The following MUSK variants were observed in gnomAD, a reference collection of about 807,000 sequenced individuals.
MUSK encodes muscle associated receptor tyrosine kinase.
MUSK carries 55 observed loss-of-function variants against 88.7 expected under a neutral mutation model. That is an observed-to-expected ratio of 0.62 (90% confidence interval 0.50 to 0.78). MUSK has a LOEUF of 0.78. Ranked by LOEUF, MUSK falls within the 30% of genes least tolerant of loss-of-function variation. The pLI is 0.00. For synonymous variants in MUSK, 387 were observed against 391.9 expected (o/e 0.99, Z 0.15); for missense variants, 1,015 against 1,074.3 (o/e 0.94, Z 0.77).
chr9:110,712,675 G>A (rs2076687534), intron 5 of MUSK, among the ~76,000 whole-genome samples: 1 of 152,172 alleles, frequency 6.6e-6, no homozygotes, highest in South Asian at 2.1e-4. Flanking sequence ...TTTCTACTTA[G>A]AGGGACTTTA....
chr9:110,798,297 G>A (rs1290578536), intron 14 of MUSK, among the ~76,000 whole-genome samples: 3 of 152,108 alleles, frequency 2.0e-5, no homozygotes, highest in Non-Finnish European at 2.9e-5. Flanking sequence ...GAACATGTTC[G>A]TATCTTAAAA....
rs114414968 is a variant in MUSK, at chr9:110,782,774, G to T, written c.1385-2041G>T. ...ACTCAGTCCAAAGAGAATCAGACTA[G>T]CTTTCAAGTCAGTCAGAGAGGAACC... On this transcript the variant is annotated intron_variant, in intron 11 of 14. Transcript: ENST00000374448. Among the ~76,000 whole-genome samples the T allele has an allele frequency of 2.7e-3, 417 of 152,254 alleles. 4 individuals carry two copies. The highest frequency in any genetic ancestry group is 9.8e-3 in the African/African-American group (407 of 41,550).
intron 5 of MUSK, among the ~76,000 whole-genome samples, chr9:110,731,014 G>C (rs755518527): frequency 3.9e-5 from 6 of 151,978 alleles, no homozygotes; most frequent in Admixed American, 6.6e-5. Flanking sequence ...GAGACTGATA[G>C]CTCAGAATAG....
chr9:110,689,643 A>C (rs1204240805), intron 3 of MUSK, among the ~76,000 whole-genome samples: 4 of 43,498 alleles, frequency 9.2e-5, no homozygotes, highest in African/African-American at 1.5e-4. Context: ...AGTATATATT[A>C]GTAATATACC....
At chr9:110,789,846 G>A (rs189938167) in intron 14 of MUSK, among the ~76,000 whole-genome samples, 98 of 152,278 alleles carry the variant, frequency 6.4e-4, no homozygotes, top group Admixed American at 2.3e-3. Flanking sequence ...TGAAGTTAAG[G>A]ATGCATGTGG....
chr9:110,762,296 T>C (rs905353133), intron 8 of MUSK, 88 bp downstream of exon 8: 1 of 1,064,884 alleles, frequency 9.4e-7, no homozygotes, highest in African/African-American at 1.6e-5. Flanking sequence ...GAGGGTCTTG[T>C]GTTGCCCAGG....
intron 5 of MUSK, among the ~76,000 whole-genome samples, chr9:110,709,016 T>A (rs906470540): frequency 6.6e-5 from 10 of 152,142 alleles, no homozygotes; most frequent in Non-Finnish European, 1.2e-4. Context: ...TAAAGGAAAA[T>A]TGCTTTCTAT....
At chr9:110,684,877 TTAAG>T (rs1564212815) in intron 2 of MUSK, among the ~76,000 whole-genome samples, 1 of 152,130 alleles carries the variant, frequency 6.6e-6, no homozygotes, top group African/African-American at 2.4e-5. Context: ...TGTGGAGTAT[TTAAG>T]TTTTTCCAAA....
intron 12 of MUSK, 90 bp downstream of exon 12, chr9:110,785,106 C>T: frequency 9.2e-7 from 1 of 1,086,026 alleles, no homozygotes; most frequent in Non-Finnish European, 1.4e-6. Context: ...ATATATATGA[C>T]ACTGCAACTC....
At chr9:110,708,180 G>A (rs982858470) in intron 5 of MUSK, among the ~76,000 whole-genome samples, 3 of 151,610 alleles carry the variant, frequency 2.0e-5, no homozygotes, top group South Asian at 4.2e-4. Context: ...AACTATAAAA[G>A]ATCAGCATTG....
intron 5 of MUSK, among the ~76,000 whole-genome samples, chr9:110,710,209 T>G (rs753417352): frequency 2.0e-5 from 3 of 152,150 alleles, no homozygotes; most frequent in African/African-American, 7.2e-5. Flanking sequence ...AGAGTTCACA[T>G]GCTTTAGTAT....
chr9:110,725,777 A>G lies in MUSK; in HGVS notation c.629-8474A>G, dbSNP rs141357259. On this transcript the variant is annotated intron_variant, in intron 5 of 14. Transcript: ENST00000374448. ...CCTCCCTAAAGAAGATTACAAATCAATTTGGAAGACAAGAACAATGCATTA... is the reference window on the plus strand; with the variant it reads ...CCTCCCTAAAGAAGATTACAAATCAGTTTGGAAGACAAGAACAATGCATTA... 2.1e-3 allele frequency among the ~76,000 whole-genome samples: 322 copies of G among 152,172 alleles called. 1 individual carries two copies. The highest frequency in any genetic ancestry group is 7.5e-3 in the African/African-American group (312 of 41,566).
chr9:110,769,911 T>C (rs2077542853), intron 9 of MUSK, among the ~76,000 whole-genome samples: 1 of 152,232 alleles, frequency 6.6e-6, no homozygotes, highest in East Asian at 1.9e-4. Context: ...AGAAAAATTC[T>C]CTGTGTGTGT....
intron 11 of MUSK, among the ~76,000 whole-genome samples, chr9:110,782,985 G>A (rs1727136775): frequency 6.6e-6 from 1 of 152,156 alleles, no homozygotes; most frequent in South Asian, 2.1e-4. Context: ...GGTACTCAGG[G>A]CATAATCACT....
chr9:110,782,697 C>T (rs2077780975), intron 11 of MUSK, among the ~76,000 whole-genome samples: 1 of 152,136 alleles, frequency 6.6e-6, no homozygotes, highest in African/African-American at 2.4e-5. Context: ...TCAATTTAAG[C>T]CACCCCCTAC....
chr9:110,689,227 A>G (rs1399865471), intron 3 of MUSK, among the ~76,000 whole-genome samples: 1 of 50,760 alleles, frequency 2.0e-5, no homozygotes, highest in Non-Finnish European at 3.3e-5. Context: ...TATATAATAT[A>G]TAAATATATA....
intron 7 of MUSK, among the ~76,000 whole-genome samples, chr9:110,748,669 T>G (rs2131880696): frequency 6.6e-6 from 1 of 152,268 alleles, no homozygotes; most frequent in South Asian, 2.1e-4. Flanking sequence ...CAAGCACGGA[T>G]AGAGCTTGTG....
intron 1 of MUSK, among the ~76,000 whole-genome samples, chr9:110,674,263 T>A (rs2075996439): frequency 6.6e-6 from 1 of 152,216 alleles, no homozygotes. Flanking sequence ...ACATTACAGA[T>A]AACCTCAAGA....
intron 5 of MUSK, chr9:110,728,307 C>A: frequency 5.0e-6 from 1 of 199,778 alleles, no homozygotes; most frequent in Admixed American, 5.8e-5. Flanking sequence ...TAAGAGGAGA[C>A]TCTAAGCTAC....
Sources: allele counts gnomAD v4.1 joint callset (sites outside exome capture counted in the v4.1 genomes callset), GRCh38; gene constraint gnomAD v4.1.1; transcripts MANE v1.5; gene names NCBI Gene and HGNC (gene_info 2026-07-23, HGNC 2026-07-21).